Variants in OTOGL observed in about 807,000 individuals in gnomAD.
The protein encoded by OTOGL is otogelin-like protein.
OTOGL carries 285 observed loss-of-function variants against 318.5 expected under a neutral mutation model. The observed-to-expected ratio is 0.89, with a 90% CI of 0.81 to 0.99. OTOGL has a LOEUF of 0.99. Ranked by LOEUF, OTOGL falls within the 50% of genes least tolerant of loss-of-function variation. The pLI, the probability that OTOGL is intolerant of heterozygous loss-of-function variation, is 0.00. For missense variants in OTOGL, 2,899 were observed against 2,845.6 expected (o/e 1.02, Z -0.43); for synonymous variants, 987 against 936.5 (o/e 1.05, Z -0.99).
chr12:80,230,913 T>G (rs1311528790), intron 8 of OTOGL, among the ~76,000 whole-genome samples: 1 of 152,228 alleles, frequency 6.6e-6, no homozygotes, highest in Non-Finnish European at 1.5e-5. Flanking sequence ...TGCATGCTTT[T>G]CTTTGACCTA....
intron 24 of OTOGL, among the ~76,000 whole-genome samples, chr12:80,275,295 G>C (rs1199144637): frequency 6.6e-6 from 1 of 151,926 alleles, no homozygotes; most frequent in African/African-American, 2.4e-5. Context: ...AACCCTCACG[G>C]ATAACTTTGA....
At chr12:80,185,320 T>C (rs1332405608) in intron 1 of OTOGL, among the ~76,000 whole-genome samples, 2 of 152,156 alleles carry the variant, frequency 1.3e-5, no homozygotes, top group Non-Finnish European at 2.9e-5. Flanking sequence ...TCTCCCTCTG[T>C]TGCCCAGTCT....
At chr12:80,187,478 T>A (rs1183088564) in intron 1 of OTOGL, among the ~76,000 whole-genome samples, 2 of 152,078 alleles carry the variant, frequency 1.3e-5, no homozygotes, top group South Asian at 2.1e-4. Context: ...GGATGAGAGG[T>A]GCACAGAAAA....
intron 1 of OTOGL, among the ~76,000 whole-genome samples, chr12:80,128,761 C>G (rs540215468): frequency 1.3e-5 from 2 of 152,178 alleles, no homozygotes; most frequent in African/African-American, 4.8e-5. Context: ...CCCCCAGCCT[C>G]GCTGCCGCCT....
chr12:80,269,594 A>C (rs148989653), intron 22 of OTOGL, among the ~76,000 whole-genome samples: 35 of 152,118 alleles, frequency 2.3e-4, no homozygotes, highest in African/African-American at 8.2e-4. Context: ...TTACTTCTTC[A>C]TGGTTTATGT....
At position 80,270,292 on chromosome 12, in the gene OTOGL, C is replaced by T. The variant is rs1883311107; in HGVS notation, c.2518+138C>T. The stretch of plus-strand genomic sequence containing the variant: ...GGGAATGTTCTTCAACATGGTGTTC[C>T]AGTGCTTCTTAACTTTTTCCACATT... On this transcript the variant is annotated intron_variant, in intron 23 of 58. Transcript: ENST00000547103. The T allele has an allele frequency of 4.3e-6, 3 of 701,052 alleles. No individual in the cohort carries two copies. In the East Asian group the frequency reaches 8.2e-5, roughly 19 times the overall value. The allele number at this position is 701,052 out of a possible 1,614,324, so 43.4% of individuals were successfully genotyped here.
intron 2 of OTOGL, among the ~76,000 whole-genome samples, chr12:80,210,025 T>G (rs1015502843): frequency 6.6e-6 from 1 of 152,096 alleles, no homozygotes; most frequent in African/African-American, 2.4e-5. Flanking sequence ...GGCTAAAAAT[T>G]GATTTTAATT....
intron 35 of OTOGL, among the ~76,000 whole-genome samples, chr12:80,328,319 A>AAACAACAACAACAACAAC (rs3045899): frequency 6.7e-6 from 1 of 148,752 alleles, no homozygotes; most frequent in Non-Finnish European, 1.5e-5. Context: ...ACCCTGTCAC[A>AAACAACAACAACAACAAC]AACAACAACA....
intron 1 of OTOGL, among the ~76,000 whole-genome samples, chr12:80,143,109 C>T (rs1872062634): frequency 6.6e-6 from 1 of 152,066 alleles, no homozygotes; most frequent in Non-Finnish European, 1.5e-5. Flanking sequence ...ACAAACCTAT[C>T]ATGAATTGAC....
chr12:80,306,652 A>G (rs1886121929), intron 29 of OTOGL, among the ~76,000 whole-genome samples: 1 of 152,124 alleles, frequency 6.6e-6, no homozygotes, highest in African/African-American at 2.4e-5. Context: ...AATATCCACT[A>G]TATTGAGAGA....
intron 1 of OTOGL, among the ~76,000 whole-genome samples, chr12:80,103,606 T>C (rs1869275836): frequency 6.6e-6 from 1 of 152,238 alleles, no homozygotes; most frequent in Non-Finnish European, 1.5e-5. Context: ...TTATGTTGTG[T>C]GTTAGAATGC....
intron 1 of OTOGL, among the ~76,000 whole-genome samples, chr12:80,207,036 T>C (rs1033583637): frequency 9.9e-5 from 15 of 152,194 alleles, no homozygotes; most frequent in Admixed American, 5.2e-4. Flanking sequence ...CCAAAGTTTG[T>C]ATCAGAAACA....
chr12:80,256,021 G>C (rs1198128792), intron 16 of OTOGL, among the ~76,000 whole-genome samples: 1 of 151,552 alleles, frequency 6.6e-6, no homozygotes, highest in Non-Finnish European at 1.5e-5. Context: ...CATAACTATT[G>C]GTACTTTACT....
rs779736142 is a variant in OTOGL, at chr12:80,233,049, T to A, written c.769T>A (p.Cys257Ser). The A allele has an allele frequency of 6.3e-6, 10 of 1,598,338 alleles. No individual in the cohort carries two copies. The South Asian group carries it at 1.1e-4, about 18-fold the overall frequency. Residue 257 changes from cysteine to serine, a missense_variant, in exon 9 of 59, where the codon TGT becomes AGT. Cys to Ser is a moderately radical substitution (Grantham distance 112). Transcript: ENST00000547103. ...EDHKGKSCGL[C>S]GNYNDIQSDD... Reference sequence around the variant, plus strand: ...CCATAAGGGGAAATCATGTGGCCTATGTGGAAACTACAATGACATTCAATC... The same window carrying A: ...CCATAAGGGGAAATCATGTGGCCTAAGTGGAAACTACAATGACATTCAATC...
At chr12:80,302,550 G>T in intron 27 of OTOGL, 84 bp from the exon 28 acceptor site, 1 of 927,456 alleles carries the variant, frequency 1.1e-6, no homozygotes, top group Non-Finnish European at 1.4e-6. Flanking sequence ...AATAGTTGTT[G>T]GTAAATGTTA....
chr12:80,274,748 C>T (rs1592642657), intron 24 of OTOGL, among the ~76,000 whole-genome samples: 1 of 151,956 alleles, frequency 6.6e-6, no homozygotes, highest in African/African-American at 2.4e-5. Context: ...GCTAAGGCAG[C>T]TTGTGACTTT....
intron 18 of OTOGL, among the ~76,000 whole-genome samples, chr12:80,259,275 T>A (rs1005415980): frequency 2.0e-5 from 3 of 151,476 alleles, no homozygotes; most frequent in African/African-American, 7.3e-5. Context: ...GGGGGTTCAC[T>A]GTGGGCTGGG....
Position 80,370,572 on chromosome 12 carries a change from A to G in OTOGL, c.6618A>G (p.Val2206=). 2 of 1,521,164 alleles carry G rather than the reference A, an allele frequency of 1.3e-6. No individual in the cohort carries two copies. Among genetic ancestry groups the G allele is most frequent in the Non-Finnish European group, 1.8e-6 (2 of 1,137,436 alleles). The allele number at this position is 1,521,164 out of a possible 1,614,324, so 94.2% of individuals were successfully genotyped here. Reference sequence around the variant, plus strand: ...GTAACTTTCTTTTTGATTTTTAGGTAGGGAGTACCTGGCACTACAATTGCA... The same window carrying G: ...GTAACTTTCTTTTTGATTTTTAGGTGGGGAGTACCTGGCACTACAATTGCA... ...MENGTSVVYA[V]GSTWHYNCTT... is the part of the protein sequence containing the mutation. Residue 2206 remains valine (V), a splice_region_variant and synonymous_variant, in exon 56 of 59, where the codon GTA becomes GTG. Coordinates refer to ENST00000547103, the MANE Select transcript of OTOGL (RefSeq NM_001378609.3).
intron 8 of OTOGL, among the ~76,000 whole-genome samples, chr12:80,231,830 G>C (rs1319539024): frequency 6.6e-6 from 1 of 150,828 alleles, no homozygotes; most frequent in African/African-American, 2.4e-5. Flanking sequence ...GTAGAGACGG[G>C]GTTTCACTGT....
Sources: gnomAD v4.1 joint callset for allele counts (sites outside exome capture counted in the v4.1 genomes callset) on GRCh38, gnomAD v4.1.1 for gene constraint, MANE v1.5 for transcripts, NCBI Gene and HGNC (gene_info 2026-07-23, HGNC 2026-07-21) for gene names.